ANKRD30B: variants seen among roughly 807,000 people sequenced by gnomAD.
ANKRD30B encodes ankyrin repeat domain 30B, also known as ankyrin repeat domain-containing protein 30B.
A neutral mutation model predicts 202.2 loss-of-function variants in ANKRD30B; 144 were observed. That is an observed-to-expected ratio of 0.71 (90% CI 0.62 to 0.82). The LOEUF (loss-of-function observed/expected upper bound fraction) is 0.82. ANKRD30B is among the 40% of genes least tolerant of loss of function. The probability of loss-of-function intolerance (pLI) is 0.00; values close to 1 mark genes in which losing one functional copy is unlikely to be tolerated. For synonymous variants in ANKRD30B, 508 were observed against 561.3 expected (o/e 0.91, Z 1.34); for missense variants, 1,487 against 1,669.1 (o/e 0.89, Z 1.90).
the ANKRD30B span, among the ~76,000 whole-genome samples, chr18:14,874,269 A>T: frequency 6.6e-6 from 1 of 152,202 alleles, no homozygotes; most frequent in Admixed American, 6.5e-5. Context: ...CCCACATTTT[A>T]TCAAACATAC....
chr18:14,885,630 G>A, the ANKRD30B span, among the ~76,000 whole-genome samples: 3 of 151,848 alleles, frequency 2.0e-5, no homozygotes, highest in Non-Finnish European at 2.9e-5. Flanking sequence ...AGGTCCCCTC[G>A]TACATCTTTA....
At chr18:14,939,736 C>A in the ANKRD30B span, among the ~76,000 whole-genome samples, 3 of 152,224 alleles carry the variant, frequency 2.0e-5, no homozygotes, top group South Asian at 4.1e-4. Context: ...TGTCAGTGAT[C>A]AAAATAAATA....
chr18:14,900,832 A>T, the ANKRD30B span, among the ~76,000 whole-genome samples: 4 of 152,150 alleles, frequency 2.6e-5, no homozygotes, highest in East Asian at 7.7e-4. Context: ...TTTGGATTCT[A>T]CCTTGAGTTA....
chr18:14,804,650 G>T (rs1443945945), intron 24 of ANKRD30B, among the ~76,000 whole-genome samples: 1 of 150,672 alleles, frequency 6.6e-6, no homozygotes, highest in Admixed American at 6.6e-5. Context: ...GGACAGAAAA[G>T]GGTCAGGAGA....
chr18:14,794,569 G>C (rs28625314), intron 16 of ANKRD30B, among the ~76,000 whole-genome samples: 3 of 152,106 alleles, frequency 2.0e-5, no homozygotes, highest in Non-Finnish European at 4.4e-5. Flanking sequence ...GAATTTCTGA[G>C]GTTTCTTCAG....
At chr18:14,860,542 C>T in the ANKRD30B span, among the ~76,000 whole-genome samples, 2,089 of 148,346 alleles carry the variant, frequency 0.014, 57 homozygotes, top group African/African-American at 0.05. Context: ...ACAAGGTGGC[C>T]GGGCAGAGGC....
chr18:14,785,709 TG>T (rs1201173308), intron 14 of ANKRD30B, among the ~76,000 whole-genome samples: 1 of 152,190 alleles, frequency 6.6e-6, no homozygotes, highest in African/African-American at 2.4e-5. Context: ...AAGTATGATC[TG>T]AGTTTCTTGG....
chr18:14,805,522 T>G (rs1205293423), intron 24 of ANKRD30B, among the ~76,000 whole-genome samples: 1 of 150,310 alleles, frequency 6.7e-6, no homozygotes, highest in Admixed American at 6.6e-5. Context: ...AATATTTATA[T>G]TTAGTATTAT....
chr18:14,783,177 G>A (rs1373899675), intron 12 of ANKRD30B, among the ~76,000 whole-genome samples: 2 of 152,074 alleles, frequency 1.3e-5, no homozygotes, highest in Admixed American at 6.5e-5. Context: ...TAACAAAAAT[G>A]CATAGGTGTG....
chr18:14,880,815 T>C, the ANKRD30B span, among the ~76,000 whole-genome samples: 56 of 152,308 alleles, frequency 3.7e-4, no homozygotes, highest in African/African-American at 1.3e-3. Flanking sequence ...TCCTCAGTTT[T>C]GTTGTTTTAT....
At chr18:14,783,605 G>T (rs746103966) in intron 12 of ANKRD30B, among the ~76,000 whole-genome samples, 2 of 152,004 alleles carry the variant, frequency 1.3e-5, no homozygotes, top group African/African-American at 4.8e-5. Context: ...TAATAAGATT[G>T]CTTTTTAAAA....
At chr18:14,773,848 G>T (rs1381155342) in intron 9 of ANKRD30B, among the ~76,000 whole-genome samples, 2 of 152,046 alleles carry the variant, frequency 1.3e-5, no homozygotes, top group African/African-American at 2.4e-5. Flanking sequence ...TAGAGACAGG[G>T]TTTCACCATG....
chr18:14,866,959 TG>T, the ANKRD30B span, among the ~76,000 whole-genome samples: 1 of 95,170 alleles, frequency 1.1e-5, no homozygotes, highest in Non-Finnish European at 2.1e-5. Context: ...TCAGCAACAA[TG>T]CCAACTGGCA....
intron 8 of ANKRD30B, among the ~76,000 whole-genome samples, chr18:14,770,154 C>T (rs1412995200): frequency 6.6e-6 from 1 of 151,560 alleles, no homozygotes; most frequent in Non-Finnish European, 1.5e-5. Context: ...TAATCCTTTC[C>T]TGATTACTTT....
At chr18:14,785,697 CA>C (rs1440378600) in intron 14 of ANKRD30B, among the ~76,000 whole-genome samples, 1 of 152,068 alleles carries the variant, frequency 6.6e-6, no homozygotes, top group Admixed American at 6.5e-5. Flanking sequence ...GGTGACTTAC[CA>C]AAGTATGATC....
the ANKRD30B span, among the ~76,000 whole-genome samples, chr18:14,868,530 G>A: frequency 6.6e-6 from 1 of 152,292 alleles, no homozygotes; most frequent in Non-Finnish European, 1.5e-5. Context: ...GTGCTTTCTT[G>A]GCAAGCTGTG....
At chr18:14,889,637 A>C in the ANKRD30B span, among the ~76,000 whole-genome samples, 61,695 of 148,542 alleles carry the variant, frequency 0.42, 13,788 homozygotes, top group East Asian at 0.59. Context: ...CATGTCAGCA[A>C]TGTGCAAATT....
intron 33 of ANKRD30B, among the ~76,000 whole-genome samples, 181 bp from the exon 34 acceptor site, chr18:14,831,202 G>GAAAAAAAAAAAAAAA (rs1434127361): frequency 7.8e-5 from 6 of 76,934 alleles, no homozygotes; most frequent in East Asian, 3.2e-4. Context: ...AAAAAAAAAC[G>GAAAAAAAAAAAAAAA]AAAACCAGAT....
chr18:14,788,785 A>C (rs1291655365), intron 15 of ANKRD30B, among the ~76,000 whole-genome samples: 2 of 151,898 alleles, frequency 1.3e-5, no homozygotes, highest in Admixed American at 1.3e-4. Flanking sequence ...TTCTTAATCC[A>C]GTCTATCATT....
Sources: allele counts gnomAD v4.1 joint callset (sites outside exome capture counted in the v4.1 genomes callset), GRCh38; gene constraint gnomAD v4.1.1; transcripts MANE v1.5; gene names NCBI Gene and HGNC (gene_info 2026-07-23, HGNC 2026-07-21).